ROBO1: variants seen among roughly 807,000 people sequenced by gnomAD.
The protein encoded by ROBO1 is roundabout guidance receptor 1, also known as roundabout homolog 1.
In ROBO1, 149 loss-of-function variants were observed where a neutral mutation model predicts 195.9. The ratio of observed to expected loss-of-function variants is 0.76; its 90% confidence interval spans 0.67 to 0.87. The LOEUF is 0.87. Among genes scored for constraint, ROBO1 ranks in the 40% least tolerant of loss-of-function variants. The pLI, the probability that ROBO1 is intolerant of heterozygous loss-of-function variation, is 0.00. For synonymous variants in ROBO1, 816 were observed against 733.2 expected (o/e 1.11, Z -1.82); for missense variants, 1,933 against 2,068.3 (o/e 0.93, Z 1.27).
chr3:79,324,558 A>C (rs2034124725), intron 2 of ROBO1, among the ~76,000 whole-genome samples: 1 of 152,142 alleles, frequency 6.6e-6, no homozygotes, highest in Non-Finnish European at 1.5e-5. Flanking sequence ...AGAGTTCTGG[A>C]AGAGATTACT....
chr3:78,783,592 G>A (rs1036047777), intron 4 of ROBO1, among the ~76,000 whole-genome samples: 1 of 152,054 alleles, frequency 6.6e-6, no homozygotes, highest in Admixed American at 6.5e-5. Context: ...AGGTTCTATG[G>A]CATTTTGTAA....
intron 4 of ROBO1, among the ~76,000 whole-genome samples, chr3:78,793,817 T>C (rs1003304774): frequency 5.3e-4 from 80 of 152,118 alleles, no homozygotes; most frequent in African/African-American, 1.8e-3. Context: ...TATTCAGATA[T>C]AAAATATTAT....
chr3:79,088,841 C>A (rs2079424288), intron 3 of ROBO1, among the ~76,000 whole-genome samples: 1 of 151,920 alleles, frequency 6.6e-6, no homozygotes, highest in Non-Finnish European at 1.5e-5. Flanking sequence ...TGTGTGTGTG[C>A]ATGTATTTGT....
At chr3:79,440,740 T>G (rs761627818) in intron 2 of ROBO1, among the ~76,000 whole-genome samples, 11 of 152,026 alleles carry the variant, frequency 7.2e-5, no homozygotes, top group Non-Finnish European at 1.5e-4. Flanking sequence ...GGTTGTTAAA[T>G]TACACAGAAT....
chr3:79,550,443 T>C (rs1262737393), intron 2 of ROBO1, among the ~76,000 whole-genome samples: 8 of 152,128 alleles, frequency 5.3e-5, no homozygotes, highest in Admixed American at 5.2e-4. Context: ...CTAAGGAGCA[T>C]GCGATGCACT....
chr3:79,026,456 G>A (rs1273694403), intron 3 of ROBO1, among the ~76,000 whole-genome samples: 1 of 152,036 alleles, frequency 6.6e-6, no homozygotes, highest in Non-Finnish European at 1.5e-5. Flanking sequence ...TCAAGAAAAT[G>A]ACTCTGAAGT....
At chr3:79,758,714 A>G (rs1704536685) in intron 1 of ROBO1, among the ~76,000 whole-genome samples, 1 of 152,144 alleles carries the variant, frequency 6.6e-6, no homozygotes, top group South Asian at 2.1e-4. Flanking sequence ...GAGGGAGGGT[A>G]AAGTGTACCT....
intron 28 of ROBO1, among the ~76,000 whole-genome samples, chr3:78,609,430 G>A (rs1280241004): frequency 6.6e-6 from 1 of 152,172 alleles, no homozygotes. Context: ...CCACACCTGG[G>A]ATGACACAGA....
rs1024654732 is a variant in ROBO1, at chr3:78,909,231, T to C, written c.499+29370A>G. Among the ~76,000 whole-genome samples the C allele has an allele frequency of 2.8e-4, 42 of 151,950 alleles. 1 individual carries two copies. Among genetic ancestry groups the C allele is most frequent in the African/African-American group, 1.0e-3 (42 of 41,538 alleles). On this transcript the variant is annotated intron_variant, in intron 4 of 30. Transcript: ENST00000464233. Reference sequence around the variant, plus strand: ...CTACATATATTAGAAATATCAAAGATATTCTTCTTTAAACAGAAAAAAAAA... The same window carrying C: ...CTACATATATTAGAAATATCAAAGACATTCTTCTTTAAACAGAAAAAAAAA...
chr3:78,616,396 G>A (rs1704113945), intron 27 of ROBO1, among the ~76,000 whole-genome samples: 1 of 152,070 alleles, frequency 6.6e-6, no homozygotes, highest in Admixed American at 6.6e-5. Context: ...TTGATTGAAT[G>A]ACATAAAATA....
At chr3:79,149,510 GTGTT>G (rs1180235783) in intron 2 of ROBO1, among the ~76,000 whole-genome samples, 3 of 134,606 alleles carry the variant, frequency 2.2e-5, no homozygotes, top group Non-Finnish European at 5.0e-5. Flanking sequence ...TCTTCGAACT[GTGTT>G]TGTTGTTGTT....
At chr3:79,513,762 A>G (rs997321474) in intron 2 of ROBO1, among the ~76,000 whole-genome samples, 2 of 152,176 alleles carry the variant, frequency 1.3e-5, no homozygotes, top group African/African-American at 4.8e-5. Context: ...TGATTTGTTG[A>G]TATGCCAACT....
At chr3:78,772,117 G>C (rs1480425497) in intron 4 of ROBO1, among the ~76,000 whole-genome samples, 1 of 151,950 alleles carries the variant, frequency 6.6e-6, no homozygotes, top group Non-Finnish European at 1.5e-5. Flanking sequence ...AAATACCAGT[G>C]CCTAATATGA....
At chr3:79,272,905 C>T (rs571448238) in intron 2 of ROBO1, among the ~76,000 whole-genome samples, 24 of 152,056 alleles carry the variant, frequency 1.6e-4, no homozygotes, top group South Asian at 8.3e-4. Context: ...ATACATTTGG[C>T]GGCAGATTTA....
intron 2 of ROBO1, among the ~76,000 whole-genome samples, chr3:79,324,562 GATT>G (rs1186066403): frequency 6.6e-6 from 1 of 152,100 alleles, no homozygotes; most frequent in African/African-American, 2.4e-5. Context: ...TTCTGGAAGA[GATT>G]ACTTATCAGG....
At chr3:79,719,757 A>T (rs913434032) in intron 1 of ROBO1, among the ~76,000 whole-genome samples, 7 of 152,224 alleles carry the variant, frequency 4.6e-5, no homozygotes, top group African/African-American at 1.4e-4. Context: ...TGTCTTACAC[A>T]AATTAAGTGC....
At chr3:79,524,168 AGTGTGTGT>A (rs10663604) in intron 2 of ROBO1, among the ~76,000 whole-genome samples, 75 of 150,734 alleles carry the variant, frequency 5.0e-4, no homozygotes, top group African/African-American at 1.8e-3. Flanking sequence ...ATTTGAAGTA[AGTGTGTGT>A]GTGTGTGTGT....
intron 2 of ROBO1, among the ~76,000 whole-genome samples, chr3:79,181,908 A>T (rs937032120): frequency 6.7e-6 from 1 of 148,318 alleles, no homozygotes; most frequent in South Asian, 2.1e-4. Flanking sequence ...TCTGGGAGAA[A>T]GAGCGAGATC....
intron 2 of ROBO1, among the ~76,000 whole-genome samples, chr3:79,376,709 C>A (rs905916935): frequency 2.6e-5 from 4 of 152,100 alleles, no homozygotes; most frequent in African/African-American, 9.7e-5. Context: ...GTCAATTAAC[C>A]CTCTTTCCTT....
Sources: gnomAD v4.1 joint callset for allele counts (sites outside exome capture counted in the v4.1 genomes callset) on GRCh38, gnomAD v4.1.1 for gene constraint, MANE v1.5 for transcripts, NCBI Gene and HGNC (gene_info 2026-07-23, HGNC 2026-07-21) for gene names.